Variants in TAF4 observed in about 807,000 individuals in gnomAD.
TAF4 encodes transcription initiation factor TFIID subunit 4.
TAF4 carries 9 observed loss-of-function variants against 90.3 expected under a neutral mutation model. That is an observed-to-expected ratio of 0.10 (90% CI 0.06 to 0.17). The LOEUF is 0.17. Among genes scored for constraint, TAF4 ranks in the 10% least tolerant of loss-of-function variants. The pLI, the probability that TAF4 is intolerant of heterozygous loss-of-function variation, is 1.00. For missense variants in TAF4, 1,351 were observed against 1,370.7 expected, an observed-to-expected ratio of 0.99 and a Z score of 0.23; for synonymous variants, 818 against 638.9, an observed-to-expected ratio of 1.28 and a Z score of -4.23.
chr20:62,065,254 GGGCC>G lies in TAF4; in HGVS notation c.553_556del (p.Gly185LeufsTer13), dbSNP rs2056121678. On this transcript the variant is annotated frameshift_variant, in exon 1 of 15. Transcript: ENST00000252996. LOFTEE classifies it high-confidence loss of function. ...GGCGCCGGGGCCGGCGGGCTTGCCA[GGGCC>G]AGGGCCGGGGCCGGGGCCGGGGCCG... 2.7e-3 allele frequency: 20 copies of G among 7,424 alleles called. No individual in the cohort carries two copies. Among genetic ancestry groups the G allele is most frequent in the Non-Finnish European group, 3.5e-3 (18 of 5,146 alleles). 0.5% of individuals were successfully genotyped at this position (7,424 alleles called of 1,614,324 possible).
intron 14 of TAF4, among the ~76,000 whole-genome samples, chr20:61,993,856 G>C (rs1231275069): frequency 2.0e-5 from 3 of 152,102 alleles, no homozygotes; most frequent in Non-Finnish European, 2.9e-5. Flanking sequence ...GGGTTCAAGT[G>C]ATTCTCCTGC....
chr20:62,006,716 C>T lies in TAF4; in HGVS notation c.2017G>A (p.Ala673Thr). Residue 673 changes from alanine (A) to threonine (T), a missense_variant, in exon 7 of 15, where the codon GCC becomes ACC. Coordinates refer to ENST00000252996, the MANE Select transcript of TAF4 (RefSeq NM_003185.4). This position sits in a 1 kb window ranked among gnomAD's most constrained non-coding sequence, Gnocchi z 7.0. ...ALRQLTPDSA[A>T]FIQQSQQQPP... ...TGCTGCTGGCTCTGCTGGATGAAGG[C>T]CGCGGAGTCGGGGGTCAGCTGTCTC... is the stretch of plus-strand genomic sequence containing the variant. The T allele has an allele frequency of 6.4e-7, 1 of 1,570,744 alleles. No individual in the cohort carries two copies.
intron 1 of TAF4, among the ~76,000 whole-genome samples, chr20:62,018,707 G>C (rs960060351): frequency 2.6e-5 from 4 of 152,238 alleles, no homozygotes; most frequent in African/African-American, 9.6e-5. Flanking sequence ...GGATGACAGG[G>C]AGCAGGGCTC....
intron 1 of TAF4, among the ~76,000 whole-genome samples, chr20:62,044,234 A>G (rs148881092): frequency 1.0e-3 from 156 of 152,376 alleles, no homozygotes; most frequent in African/African-American, 3.7e-3. Flanking sequence ...TAAAACTTCA[A>G]GTTTTTCAAT....
intron 1 of TAF4, among the ~76,000 whole-genome samples, chr20:62,049,604 G>C (rs920055884): frequency 1.9e-5 from 2 of 107,760 alleles, no homozygotes; most frequent in Non-Finnish European, 4.1e-5. Flanking sequence ...CACACCTGCA[G>C]AGAAGCACCA....
At chr20:62,008,615 A>T (rs2055761102) in intron 5 of TAF4, among the ~76,000 whole-genome samples, 2 of 150,916 alleles carry the variant, frequency 1.3e-5, no homozygotes, top group South Asian at 2.1e-4. Context: ...CTCCATGGGG[A>T]GGGGGCTTCT....
At chr20:62,038,945 C>A (rs1015959336) in intron 1 of TAF4, among the ~76,000 whole-genome samples, 1 of 152,064 alleles carries the variant, frequency 6.6e-6, no homozygotes, top group Non-Finnish European at 1.5e-5. Flanking sequence ...CCCAGCTACT[C>A]GGGAGGCTGA....
At chr20:62,003,952 T>C in intron 7 of TAF4, 74 bp from the exon 8 acceptor site, 1 of 1,477,106 alleles carries the variant, frequency 6.8e-7, no homozygotes, top group Non-Finnish European at 8.9e-7. Context: ...TAGCAGGAGG[T>C]TCTTCCCTTC....
Position 62,010,920 on chromosome 20 carries a change from C to A in TAF4, c.1642-755G>T, listed in dbSNP as rs763256451. On this transcript the variant is annotated intron_variant, in intron 3 of 14. Transcript: ENST00000252996. The surrounding 1 kb of genome is among the most constrained non-coding windows in gnomAD (Gnocchi z 4.5). ...TGCAAATGTTTACTGATATTTTAAA[C>A]TAGTACTTTTCCAATGTATAAATCT... Among the ~76,000 whole-genome samples the A allele has an allele frequency of 1.3e-5, 2 of 152,258 alleles. No individual in the cohort carries two copies. The highest frequency in any genetic ancestry group is 2.9e-5 in the Non-Finnish European group (2 of 68,050).
chr20:61,990,116 C>T (rs2055622104), intron 14 of TAF4, among the ~76,000 whole-genome samples: 2 of 152,128 alleles, frequency 1.3e-5, no homozygotes, highest in African/African-American at 2.4e-5. Flanking sequence ...AGGAGGGCTG[C>T]CTAGTAGCCA....
At chr20:61,992,404 A>G (rs1331309912) in intron 14 of TAF4, among the ~76,000 whole-genome samples, 1 of 152,112 alleles carries the variant, frequency 6.6e-6, no homozygotes, top group Non-Finnish European at 1.5e-5. Context: ...ATTATCTCCT[A>G]TGTCCATAAC....
At position 62,065,374 on chromosome 20, in the gene TAF4, ACGGCGG is replaced by A. The variant is rs1204301175; in HGVS notation, c.431_436del (p.Ala144_Ala145del). On this transcript the variant is annotated inframe_deletion, in exon 1 of 15. Coordinates refer to ENST00000252996, the MANE Select transcript of TAF4 (RefSeq NM_003185.4). ...GGGGGCGGGCTCGGGCCCCGCGGCG[ACGGCGG>A]CGGCGGCGGGCACCGGGGCGCAGGA... The A allele has an allele frequency of 2.2e-6, 2 of 921,410 alleles. No homozygotes were observed. Among genetic ancestry groups the A allele is most frequent in the South Asian group, 1.0e-4 (2 of 19,662 alleles). 57.1% of individuals were successfully genotyped at this position (921,410 alleles called of 1,614,324 possible).
chr20:62,050,697 C>T lies in TAF4; in HGVS notation c.1360+13754G>A, dbSNP rs1314362871. On this transcript the variant is annotated intron_variant, in intron 1 of 14. Transcript: ENST00000252996. ...GCCCGCCCGGGAGGGCACACCCCTG[C>T]TGCTGATAGGACGGGCATCTAGGCA... 7.2e-5 allele frequency among the ~76,000 whole-genome samples: 11 copies of T among 152,218 alleles called. No individual in the cohort carries two copies. In the East Asian group the frequency reaches 2.1e-3, roughly 29 times the overall value.
Position 62,065,695 on chromosome 20 carries a change from TG to T in TAF4, c.115del (p.His39ThrfsTer25). On this transcript the variant is annotated frameshift_variant, in exon 1 of 15. Coordinates refer to ENST00000252996, the MANE Select transcript of TAF4 (RefSeq NM_003185.4). LOFTEE classifies it high-confidence loss of function. ...CGTGCGCGGCGCGAGGTGGTGGTGG[TG>T]GGCCGCGCTGGCCGCCAGCTGCGAC... is the stretch of plus-strand genomic sequence containing the variant. ...LESQLAASAA[H>X]HHHLAPRTPE... 2 of 1,243,074 alleles carry T rather than the reference TG, an allele frequency of 1.6e-6. No individual in the cohort carries two copies. Among genetic ancestry groups the T allele is most frequent in the Non-Finnish European group, 2.1e-6 (2 of 974,284 alleles). The allele number at this position is 1,243,074 out of a possible 1,614,324, so 77.0% of individuals were successfully genotyped here. A position where few individuals can be genotyped will look rare whatever the true frequency, so the allele number is the denominator to read the frequency against.
intron 3 of TAF4, chr20:62,012,010 G>A (rs1376672350): frequency 6.6e-6 from 1 of 152,298 alleles, no homozygotes; most frequent in African/African-American, 2.4e-5. Flanking sequence ...ACCCCTTCCA[G>A]AACAGCCTGG....
intron 14 of TAF4, among the ~76,000 whole-genome samples, chr20:61,982,090 AACCCACAC>A: frequency 7.1e-6 from 1 of 140,874 alleles, no homozygotes; most frequent in Admixed American, 6.9e-5. Context: ...GGAGACACCA[AACCCACAC>A]AACACACACC....
intron 14 of TAF4, 27 bp downstream of exon 14, chr20:61,997,523 G>A: frequency 1.3e-6 from 2 of 1,541,842 alleles, no homozygotes; most frequent in Admixed American, 4.1e-5. Context: ...TTTCCCCCAG[G>A]ACCTCGATCC....
chr20:62,012,519 A>G (rs1455162184), intron 3 of TAF4: 1 of 251,824 alleles, frequency 4.0e-6, no homozygotes, highest in African/African-American at 2.2e-5. Context: ...CTTATGATCA[A>G]GTACTAGTAA....
At chr20:62,021,954 C>T (rs577715930) in intron 1 of TAF4, among the ~76,000 whole-genome samples, 1 of 152,246 alleles carries the variant, frequency 6.6e-6, no homozygotes, top group East Asian at 1.9e-4. Context: ...GTCCAAAGCC[C>T]GGGAGGGCGC....
Sources: gnomAD v4.1 joint callset for allele counts (sites outside exome capture counted in the v4.1 genomes callset) on GRCh38, gnomAD v4.1.1 for gene constraint, Gnocchi (gnomAD v3.1) non-coding constraint, MANE v1.5 for transcripts, NCBI Gene and HGNC (gene_info 2026-07-23, HGNC 2026-07-21) for gene names.